The following SOX6 variants were observed in gnomAD, a reference collection of about 807,000 sequenced individuals.
The protein encoded by SOX6 is transcription factor SOX-6.
SOX6 carries 11 observed loss-of-function variants against 97.8 expected under a neutral mutation model. The observed-to-expected ratio is 0.11, with a 90% CI of 0.07 to 0.19. The LOEUF (loss-of-function observed/expected upper bound fraction) is 0.19. SOX6 is among the 10% of genes least tolerant of loss of function. The pLI, the probability that SOX6 is intolerant of heterozygous loss-of-function variation, is 1.00. For synonymous variants in SOX6, 360 were observed against 371.4 expected (o/e 0.97, Z 0.35); for missense variants, 810 against 1,039.5 (o/e 0.78, Z 3.04).
intron 3 of SOX6, among the ~76,000 whole-genome samples, chr11:16,251,813 T>G (rs892867845): frequency 6.6e-6 from 1 of 152,050 alleles, no homozygotes; most frequent in African/African-American, 2.4e-5. Flanking sequence ...TCAAAAAAAT[T>G]AGCAAATATA....
chr11:16,100,610 G>C (rs1358324856), intron 7 of SOX6, among the ~76,000 whole-genome samples: 2 of 151,572 alleles, frequency 1.3e-5, no homozygotes, highest in Non-Finnish European at 3.0e-5. Flanking sequence ...AATTTTCATA[G>C]AAACTGACAT....
intron 1 of SOX6, among the ~76,000 whole-genome samples, chr11:16,435,756 A>G (rs996466289): frequency 2.3e-4 from 34 of 146,204 alleles, no homozygotes; most frequent in Admixed American, 1.2e-3. Context: ...TCAAATTGGG[A>G]AAAAAAAAAA....
At chr11:16,643,478 C>T (rs544353603) in intron 3 of SOX6, among the ~76,000 whole-genome samples, 48 of 152,332 alleles carry the variant, frequency 3.2e-4, no homozygotes, top group African/African-American at 1.1e-3. Context: ...GAGGTTTCTG[C>T]TGCCTTTTGT....
intron 6 of SOX6, among the ~76,000 whole-genome samples, chr11:16,177,664 T>A (rs575738566): frequency 2.0e-5 from 3 of 150,410 alleles, no homozygotes; most frequent in Non-Finnish European, 4.5e-5. Context: ...TCTCTCTCTC[T>A]CTCTGATTTT....
intron 3 of SOX6, among the ~76,000 whole-genome samples, chr11:16,640,484 G>T (rs1848891344): frequency 6.6e-6 from 1 of 152,170 alleles, no homozygotes; most frequent in South Asian, 2.1e-4. Flanking sequence ...CAGAAGGAAT[G>T]GTACCAGCTC....
chr11:16,302,859 C>T (rs1467061099), intron 3 of SOX6, among the ~76,000 whole-genome samples: 1 of 152,084 alleles, frequency 6.6e-6, no homozygotes, highest in Non-Finnish European at 1.5e-5. Context: ...CAGGAGCCAC[C>T]GCACCCGGCC....
intron 9 of SOX6, among the ~76,000 whole-genome samples, chr11:16,063,494 TTTTATATATATATATATATA>T (rs1236496436): frequency 3.6e-5 from 3 of 83,910 alleles, no homozygotes; most frequent in African/African-American, 1.6e-4. Context: ...TTTACCATAA[TTTTATATATATATATATATA>T]TATATATATA....
At chr11:16,153,490 G>A (rs1284819012) in intron 6 of SOX6, among the ~76,000 whole-genome samples, 1 of 152,050 alleles carries the variant, frequency 6.6e-6, no homozygotes, top group Non-Finnish European at 1.5e-5. Context: ...TGATAGGACT[G>A]GTTAGACAAA....
At chr11:16,728,156 C>T (rs1046844891) in intron 2 of SOX6, among the ~76,000 whole-genome samples, 3 of 152,180 alleles carry the variant, frequency 2.0e-5, no homozygotes, top group Non-Finnish European at 2.9e-5. Flanking sequence ...CACCTGTGGG[C>T]GCAGCTGCAG....
intron 4 of SOX6, among the ~76,000 whole-genome samples, chr11:16,499,140 C>A (rs11517754): frequency 0.016 from 2,494 of 152,276 alleles, 21 homozygotes; most frequent in Non-Finnish European, 0.027. Context: ...AACTAGAACT[C>A]AGGATTAAGA....
At chr11:16,126,306 T>C (rs1849611960) in intron 6 of SOX6, among the ~76,000 whole-genome samples, 1 of 152,124 alleles carries the variant, frequency 6.6e-6, no homozygotes, top group African/African-American at 2.4e-5. Context: ...CCCAAATGAA[T>C]GACACAAAAT....
At chr11:16,513,448 C>T (rs1860912861) in intron 4 of SOX6, among the ~76,000 whole-genome samples, 1 of 151,964 alleles carries the variant, frequency 6.6e-6, no homozygotes, top group Admixed American at 6.6e-5. Flanking sequence ...GCCTGGCCAA[C>T]ATGGTGAAAC....
chr11:16,109,284 T>G (rs1356641185), intron 7 of SOX6, among the ~76,000 whole-genome samples: 1 of 152,172 alleles, frequency 6.6e-6, no homozygotes, highest in East Asian at 1.9e-4. Context: ...CACTGCTGCC[T>G]CAACCTACCG....
chr11:16,457,517 A>G (rs1859831634), intron 1 of SOX6, among the ~76,000 whole-genome samples: 1 of 152,166 alleles, frequency 6.6e-6, no homozygotes, highest in Non-Finnish European at 1.5e-5. Flanking sequence ...TTCTCTATCC[A>G]TCATATAATC....
In SOX6 at chr11:16,298,732, C is replaced by G. The variant is rs908644064; in HGVS notation, c.445+19714G>C. Among the ~76,000 whole-genome samples, 20 of 151,962 alleles carry G rather than the reference C, an allele frequency of 1.3e-4. 1 individual carries two copies. ...TTACTTATTTTTTTTTAGTAACATACTCCAGCTATTCCTTGGAACACTTAT... is the reference window on the plus strand; with the variant it reads ...TTACTTATTTTTTTTTAGTAACATAGTCCAGCTATTCCTTGGAACACTTAT... On this transcript the variant is annotated intron_variant, in intron 3 of 15. Coordinates refer to ENST00000683767, the MANE Select transcript of SOX6 (RefSeq NM_001367873.1).
At chr11:16,374,506 A>G (rs1857590219) in intron 1 of SOX6, among the ~76,000 whole-genome samples, 1 of 152,110 alleles carries the variant, frequency 6.6e-6, no homozygotes, top group Non-Finnish European at 1.5e-5. Context: ...TTCAAATATC[A>G]CACGTGGAAT....
At chr11:16,096,366 T>C (rs1465443416) in intron 8 of SOX6, among the ~76,000 whole-genome samples, 2 of 151,836 alleles carry the variant, frequency 1.3e-5, no homozygotes, top group Non-Finnish European at 2.9e-5. Context: ...AGAAGAAATA[T>C]ATTAGGTTTA....
At chr11:16,287,335 T>C (rs1257997879) in intron 3 of SOX6, among the ~76,000 whole-genome samples, 4 of 124,404 alleles carry the variant, frequency 3.2e-5, no homozygotes, top group Admixed American at 7.9e-5. Context: ...CACACGCTCC[T>C]CCTATACTAT....
At chr11:16,269,853 T>C (rs1188727254) in intron 3 of SOX6, 3 of 151,348 alleles carry the variant, frequency 2.0e-5, no homozygotes, top group Non-Finnish European at 4.4e-5. Flanking sequence ...AGGTATGCTA[T>C]CACATCATCT....
Sources: allele counts gnomAD v4.1 joint callset (sites outside exome capture counted in the v4.1 genomes callset), GRCh38; gene constraint gnomAD v4.1.1; transcripts MANE v1.5; gene names NCBI Gene and HGNC (gene_info 2026-07-23, HGNC 2026-07-21).